Variants in PDE1C observed in about 807,000 individuals in gnomAD.
The protein encoded by PDE1C is phosphodiesterase 1C.
A neutral mutation model predicts 93.1 loss-of-function variants in PDE1C; 62 were observed. That is an observed-to-expected ratio of 0.67 (90% CI 0.54 to 0.82). The LOEUF (loss-of-function observed/expected upper bound fraction) is 0.82. Among genes scored for constraint, PDE1C ranks in the 40% least tolerant of loss-of-function variants. The probability of loss-of-function intolerance (pLI) is 0.00; values close to 1 mark genes in which losing one functional copy is unlikely to be tolerated. For missense variants in PDE1C, 742 were observed against 884.6 expected, an observed-to-expected ratio of 0.84 and a Z score of 2.04; for synonymous variants, 325 against 310.1, an observed-to-expected ratio of 1.05 and a Z score of -0.50.
chr7:32,154,828 G>A (rs1801470122), intron 3 of PDE1C, among the ~76,000 whole-genome samples: 1 of 152,226 alleles, frequency 6.6e-6, no homozygotes, highest in Admixed American at 6.5e-5. Context: ...GGTCTTCGGA[G>A]GCAAATGTGT....
chr7:31,912,393 C>G (rs572722958), intron 2 of PDE1C, among the ~76,000 whole-genome samples: 4 of 152,002 alleles, frequency 2.6e-5, no homozygotes, highest in Non-Finnish European at 5.9e-5. Context: ...TGTATTAAAA[C>G]ATAGATAAAA....
chr7:31,823,109 T>C lies in PDE1C; in HGVS notation c.1546A>G (p.Ile516Val), dbSNP rs1448253284. 1.2e-6 allele frequency: 2 copies of C among 1,612,968 alleles called. No homozygotes were observed. Among genetic ancestry groups the C allele is most frequent in the South Asian group, 1.1e-5 (1 of 90,958 alleles). ...FKATWTEVVHINRERWRAKVP... is the reference protein window; with the variant it reads ...FKATWTEVVHVNRERWRAKVP... ...TTGGCCCTCCATCTCTCCCGATTGA[T>C]GTGCACCACTTCCGTCCAAGTAGCT... The change falls in exon 14 of 18, where the codon ATC becomes GTC. Residue 516 changes from isoleucine to valine, a missense_variant. Physicochemically the swap from Ile to Val is conservative, Grantham distance 29. Around this residue, in one of 4 missense-constraint regions of PDE1C, gnomAD observed 454 missense variants for 459.4 expected, o/e 0.99. Transcript: ENST00000396191.
intron 2 of PDE1C, among the ~76,000 whole-genome samples, chr7:31,979,754 C>CT (rs1482277997): frequency 2.0e-5 from 3 of 152,180 alleles, no homozygotes; most frequent in Non-Finnish European, 2.9e-5. Flanking sequence ...GAATAATGTA[C>CT]TTTTTTTATC....
At chr7:31,936,520 G>C (rs888367632) in intron 2 of PDE1C, among the ~76,000 whole-genome samples, 1 of 151,800 alleles carries the variant, frequency 6.6e-6, no homozygotes, top group Non-Finnish European at 1.5e-5. Flanking sequence ...GCAAGCATGC[G>C]AGCAGGACGT....
At chr7:31,740,790 C>T in the PDE1C span, among the ~76,000 whole-genome samples, 2 of 152,182 alleles carry the variant, frequency 1.3e-5, no homozygotes, top group African/African-American at 4.8e-5. Context: ...ATTTTCAGGC[C>T]AGGCACGGTG....
At chr7:32,065,486 G>A (rs185489329) in intron 1 of PDE1C, among the ~76,000 whole-genome samples, 2 of 152,178 alleles carry the variant, frequency 1.3e-5, no homozygotes, top group East Asian at 1.9e-4. Flanking sequence ...AGCTTCCTTC[G>A]CATCCCCCTG....
At position 32,285,890 on chromosome 7, in the gene PDE1C, C is replaced by T. The variant is rs1811972395; in HGVS notation, c.85+12761G>A. Reference sequence around the variant, plus strand: ...AAACTAAGTCCAAGCGTTTGCCAACCCCTCCCCCTGCATTATCTTCATCCT... The same window carrying T: ...AAACTAAGTCCAAGCGTTTGCCAACTCCTCCCCCTGCATTATCTTCATCCT... On this transcript the variant is annotated intron_variant, in intron 1 of 18. Coordinates refer to the PDE1C transcript ENST00000396193. 3.3e-5 allele frequency among the ~76,000 whole-genome samples: 5 copies of T among 151,992 alleles called. No homozygotes were observed. The South Asian group carries it at 1.0e-3, about 32-fold the overall frequency.
intron 12 of PDE1C, among the ~76,000 whole-genome samples, chr7:31,825,705 A>G (rs1286681856): frequency 1.3e-5 from 2 of 152,140 alleles, no homozygotes; most frequent in South Asian, 4.1e-4. Flanking sequence ...AAAGATAAAG[A>G]AGGCTGGAAC....
chr7:31,928,474 A>G (rs1245777574), intron 2 of PDE1C, among the ~76,000 whole-genome samples: 2 of 143,092 alleles, frequency 1.4e-5, no homozygotes, highest in Non-Finnish European at 2.9e-5. Context: ...CCCAAGAAAC[A>G]TAACCATCAG....
chr7:32,065,062 GGGAGGA>G, intron 1 of PDE1C, among the ~76,000 whole-genome samples: 1 of 141,762 alleles, frequency 7.1e-6, no homozygotes, highest in Non-Finnish European at 1.5e-5. Context: ...GGGGGGGGGG[GGGAGGA>G]GCCGGGGGCC....
At chr7:31,943,880 T>C (rs1457600479) in intron 2 of PDE1C, among the ~76,000 whole-genome samples, 1 of 152,170 alleles carries the variant, frequency 6.6e-6, no homozygotes, top group Non-Finnish European at 1.5e-5. Flanking sequence ...ATATAATTTC[T>C]TAAACATATT....
intron 2 of PDE1C, among the ~76,000 whole-genome samples, chr7:31,985,799 T>A (rs185819867): frequency 1.2e-4 from 18 of 152,338 alleles, no homozygotes; most frequent in Admixed American, 9.1e-4. Flanking sequence ...GTGTGTCACA[T>A]TTTCTTAATC....
intron 2 of PDE1C, among the ~76,000 whole-genome samples, chr7:31,982,039 G>T (rs929424086): frequency 1.3e-5 from 2 of 152,192 alleles, no homozygotes; most frequent in African/African-American, 4.8e-5. Context: ...TCTGCATGAT[G>T]CAATTCACTG....
intron 3 of PDE1C, among the ~76,000 whole-genome samples, chr7:32,103,302 A>G (rs1208695797): frequency 1.3e-5 from 2 of 152,152 alleles, no homozygotes; most frequent in African/African-American, 4.8e-5. Flanking sequence ...CTGCTAAATA[A>G]GAGTTTGTTG....
the PDE1C span, chr7:31,707,322 T>G: frequency 6.5e-7 from 1 of 1,528,958 alleles, no homozygotes; most frequent in Non-Finnish European, 9.0e-7. Context: ...TAGGTTAGAT[T>G]GGTTCCCTGT....
At chr7:31,969,647 T>C (rs1208810737) in intron 2 of PDE1C, among the ~76,000 whole-genome samples, 1 of 152,204 alleles carries the variant, frequency 6.6e-6, no homozygotes, top group Admixed American at 6.5e-5. Flanking sequence ...ACTGGTTATA[T>C]ACCCAAAGGA....
At chr7:31,873,204 A>T in intron 6 of PDE1C, 88 bp downstream of exon 6, 5 of 773,412 alleles carry the variant, frequency 6.5e-6, no homozygotes, top group Non-Finnish European at 1.1e-5. Flanking sequence ...TTCATTCCGC[A>T]TATTAAAATA....
chr7:32,115,092 G>A (rs552451888), intron 3 of PDE1C, among the ~76,000 whole-genome samples: 3 of 152,238 alleles, frequency 2.0e-5, no homozygotes, highest in East Asian at 3.9e-4. Flanking sequence ...AATACCATTT[G>A]ACCCAGCAAT....
At chr7:32,031,915 C>T (rs182949379) in intron 2 of PDE1C, among the ~76,000 whole-genome samples, 1 of 152,186 alleles carries the variant, frequency 6.6e-6, no homozygotes, top group African/African-American at 2.4e-5. Context: ...AGAAGTACTG[C>T]TTGGGGGAGA....
Sources: gnomAD v4.1 joint callset for allele counts (sites outside exome capture counted in the v4.1 genomes callset) on GRCh38, gnomAD v4.1.1 for gene constraint, gnomAD v4.1.1 regional missense constraint, MANE v1.5 for transcripts, NCBI Gene and HGNC (gene_info 2026-07-23, HGNC 2026-07-21) for gene names.